LPIN2: variants seen among roughly 807,000 people sequenced by gnomAD.
The protein encoded by LPIN2 is lipin 2.
In LPIN2, 55 loss-of-function variants were observed where a neutral mutation model predicts 111.4. The observed-to-expected ratio is 0.49, with a 90% confidence interval of 0.40 to 0.62. The LOEUF (loss-of-function observed/expected upper bound fraction) is 0.62. LPIN2 is among the 20% of genes least tolerant of loss of function. LPIN2 has a pLI of 0.00. For missense variants in LPIN2, 992 were observed against 1,112.1 expected (o/e 0.89, Z 1.54); for synonymous variants, 425 against 414.0 (o/e 1.03, Z -0.32).
In LPIN2 at chr18:2,945,728, T is replaced by C. The variant is rs139317657; in HGVS notation, c.591-5016A>G. 2,244 of 1,223,614 alleles carry C rather than the reference T, an allele frequency of 1.8e-3. 40 individuals are homozygous for C. In the African/African-American group the frequency reaches 0.029, roughly 16 times the overall value. The allele number at this position is 1,223,614 out of a possible 1,614,324, so 75.8% of individuals were successfully genotyped here. A position where few individuals can be genotyped will look rare whatever the true frequency, so the allele number is the denominator to read the frequency against. On this transcript the variant is annotated intron_variant, in intron 4 of 19. Transcript: ENST00000677752. Reference sequence around the variant, plus strand: ...TCACATTTTGATCAAATTCCTTCTCTCCTTCAAATACAATATGCGCATCTA... The same window carrying C: ...TCACATTTTGATCAAATTCCTTCTCCCCTTCAAATACAATATGCGCATCTA...
intron 1 of LPIN2, among the ~76,000 whole-genome samples, chr18:2,967,316 C>T (rs377229485): frequency 2.6e-5 from 4 of 152,230 alleles, no homozygotes; most frequent in African/African-American, 7.2e-5. Flanking sequence ...GAGGGCTGAA[C>T]TCAGGTTATA....
intron 1 of LPIN2, among the ~76,000 whole-genome samples, chr18:2,988,838 T>C (rs1598602732): frequency 1.3e-5 from 2 of 152,206 alleles, no homozygotes; most frequent in Non-Finnish European, 2.9e-5. Context: ...TTTCATTTTA[T>C]TTTTCTTCCA....
intron 1 of LPIN2, among the ~76,000 whole-genome samples, chr18:3,006,785 A>G (rs113957690): frequency 1.3e-5 from 2 of 151,150 alleles, no homozygotes; most frequent in Admixed American, 6.6e-5. Flanking sequence ...TGCAGTGAGC[A>G]GAGATCGCGC....
intron 4 of LPIN2, among the ~76,000 whole-genome samples, chr18:2,942,958 T>G (rs757845154): frequency 6.6e-6 from 1 of 152,216 alleles, no homozygotes; most frequent in Non-Finnish European, 1.5e-5. Context: ...AAACGGTGAC[T>G]TTCAGTCAGG....
In LPIN2 at chr18:2,982,172, T is replaced by C. The variant is rs1406367472; in HGVS notation, c.-9-21323A>G. Among the ~76,000 whole-genome samples, 4 of 152,304 alleles carry C rather than the reference T, an allele frequency of 2.6e-5. No homozygotes were observed. The East Asian group carries it at 5.8e-4, about 22-fold the overall frequency. The stretch of plus-strand genomic sequence containing the variant: ...TACTTCAAGCTTACAAAAATTCTTG[T>C]TTATGATCACAGAAGAAAGCAACTG... On this transcript the variant is annotated intron_variant, in intron 1 of 19. Coordinates refer to ENST00000677752, the MANE Select transcript of LPIN2 (RefSeq NM_001375808.2).
intron 7 of LPIN2, among the ~76,000 whole-genome samples, chr18:2,937,022 T>G (rs1396933015): frequency 6.6e-6 from 1 of 152,150 alleles, no homozygotes; most frequent in African/African-American, 2.4e-5. Context: ...GTGAAAACAT[T>G]TTTTCTCTAT....
intron 1 of LPIN2, among the ~76,000 whole-genome samples, chr18:3,002,939 GTTCA>G (rs1213981935): frequency 3.3e-5 from 5 of 152,210 alleles, no homozygotes; most frequent in African/African-American, 1.2e-4. Context: ...CAAGAGGAAT[GTTCA>G]TTCATTCACC....
At chr18:2,989,017 A>C (rs970133408) in intron 1 of LPIN2, among the ~76,000 whole-genome samples, 4 of 152,222 alleles carry the variant, frequency 2.6e-5, no homozygotes, top group African/African-American at 9.6e-5. Flanking sequence ...CAATCCTGGC[A>C]GCCAAGCACT....
In LPIN2 at chr18:2,918,819, C is replaced by G. The variant is rs943963826; in HGVS notation, c.*1474G>C. 3.9e-5 allele frequency: 6 copies of G among 152,186 alleles called. No individual in the cohort carries two copies. The highest frequency in any genetic ancestry group is 1.4e-4 in the African/African-American group (6 of 41,450). 9.4% of individuals were successfully genotyped at this position (152,186 alleles called of 1,614,324 possible). ...TAGATCAGCATTATTTTAGGTGAAG[C>G]AAACTAAAACATGTAGAGGTTCCAC... On this transcript the variant is annotated 3_prime_UTR_variant, in exon 20 of 20. Transcript: ENST00000677752.
chr18:3,009,509 G>C (rs895893111), intron 1 of LPIN2, among the ~76,000 whole-genome samples: 2 of 151,686 alleles, frequency 1.3e-5, no homozygotes, highest in African/African-American at 4.8e-5. Flanking sequence ...CACAATCTCG[G>C]CTCACTGCAA....
chr18:2,919,391 A>C lies in LPIN2; in HGVS notation c.*902T>G, dbSNP rs2077016961. ...ACAGAATTTTAGAAATCCTGTCCCA[A>C]GGCAAGATGCTTTCCAAAGGCCCAC... On this transcript the variant is annotated 3_prime_UTR_variant, in exon 20 of 20. Transcript: ENST00000677752. 1 of 152,408 alleles carries C rather than the reference A, an allele frequency of 6.6e-6. No individual in the cohort carries two copies. The highest frequency in any genetic ancestry group is 1.5e-5 in the Non-Finnish European group (1 of 68,124). 9.4% of individuals were successfully genotyped at this position (152,408 alleles called of 1,614,324 possible). A position where few individuals can be genotyped will look rare whatever the true frequency, so the allele number is the denominator to read the frequency against.
At chr18:2,985,227 T>C (rs2078171122) in intron 1 of LPIN2, 1 of 152,160 alleles carries the variant, frequency 6.6e-6, no homozygotes, top group Non-Finnish European at 1.5e-5. Flanking sequence ...TCAAAGCTGG[T>C]AGCCAAAGTT....
intron 1 of LPIN2, among the ~76,000 whole-genome samples, chr18:2,962,352 A>G (rs575813651): frequency 6.6e-6 from 1 of 152,342 alleles, no homozygotes; most frequent in African/African-American, 2.4e-5. Flanking sequence ...AAATAACAAA[A>G]TAAGATGACA....
chr18:3,002,595 A>G (rs2078450354), intron 1 of LPIN2, among the ~76,000 whole-genome samples: 1 of 152,234 alleles, frequency 6.6e-6, no homozygotes, highest in Non-Finnish European at 1.5e-5. Flanking sequence ...TTACATTTAT[A>G]AACACATGTT....
chr18:2,923,782 T>C lies in LPIN2; in HGVS notation c.2167A>G (p.Ile723Val). 2.5e-6 allele frequency: 4 copies of C among 1,613,954 alleles called. No individual in the cohort carries two copies. Among genetic ancestry groups the C allele is most frequent in the Non-Finnish European group, 1.7e-6 (2 of 1,179,820 alleles). Residue 723 changes from isoleucine (I) to valine (V), a missense_variant, in exon 16 of 20, where the codon ATC becomes GTC. Ile to Val is a conservative substitution (Grantham distance 29). Transcript: ENST00000677752. The part of the protein sequence containing the change: ...HQGIAKLYHS[I>V]NENGYKFLYC... ...CGTGGGGAGGGTACCTACTCATTGA[T>C]GGAATGGTAGAGCTTTGCTATACCC...
chr18:2,928,753 A>C (rs2077172510), intron 10 of LPIN2, 93 bp from the exon 11 acceptor site: 1 of 938,726 alleles, frequency 1.1e-6, no homozygotes, highest in African/African-American at 1.6e-5. Flanking sequence ...GAGGGAAGTG[A>C]CATATAAAAT....
At chr18:2,980,205 GCCCTTCTTCC>G (rs1452568326) in intron 1 of LPIN2, among the ~76,000 whole-genome samples, 1 of 152,164 alleles carries the variant, frequency 6.6e-6, no homozygotes, top group East Asian at 1.9e-4. Flanking sequence ...TCTTGCATTA[GCCCTTCTTCC>G]CCCTTGTTCT....
At chr18:2,989,294 TATGCA>T (rs1035740449) in intron 1 of LPIN2, among the ~76,000 whole-genome samples, 1 of 151,916 alleles carries the variant, frequency 6.6e-6, no homozygotes, top group African/African-American at 2.4e-5. Flanking sequence ...TCTCAAACAT[TATGCA>T]ATGCATCTAA....
intron 1 of LPIN2, among the ~76,000 whole-genome samples, chr18:2,969,600 C>T (rs1316472274): frequency 6.6e-6 from 1 of 152,154 alleles, no homozygotes; most frequent in African/African-American, 2.4e-5. Context: ...CACTCTAGGT[C>T]AGTATTTCTC....
Sources: gnomAD v4.1 joint callset for allele counts (sites outside exome capture counted in the v4.1 genomes callset) on GRCh38, gnomAD v4.1.1 for gene constraint, MANE v1.5 for transcripts, NCBI Gene and HGNC (gene_info 2026-07-23, HGNC 2026-07-21) for gene names.